Variants in CCNT2 observed in about 807,000 individuals in gnomAD.
CCNT2 encodes cyclin-T2.
CCNT2 carries 18 observed loss-of-function variants against 70.0 expected under a neutral mutation model. That is an observed-to-expected ratio of 0.26 (90% CI 0.18 to 0.38). The LOEUF (loss-of-function observed/expected upper bound fraction) is 0.38, where lower values mean the gene tolerates loss of function less well. Ranked by LOEUF, CCNT2 falls within the 10% of genes least tolerant of loss-of-function variation. CCNT2 has a pLI of 1.00. For synonymous variants in CCNT2, 334 were observed against 313.3 expected (o/e 1.07, Z -0.70); for missense variants, 734 against 890.2 (o/e 0.82, Z 2.23).
At chr2:134,948,907 G>T (rs111713586) in intron 7 of CCNT2, among the ~76,000 whole-genome samples, 32,618 of 151,688 alleles carry the variant, frequency 0.22, 3,966 homozygotes, top group Middle Eastern at 0.57. Flanking sequence ...TAGAGATGGG[G>T]TTTCACCATG....
chr2:134,945,334 G>A, intron 5 of CCNT2: 1 of 985,336 alleles, frequency 1.0e-6, no homozygotes, highest in Non-Finnish European at 1.2e-6. Context: ...TGGGAAAAAG[G>A]GAAACTATAA....
chr2:134,943,669 A>C, intron 5 of CCNT2: 1 of 984,876 alleles, frequency 1.0e-6, no homozygotes, highest in Non-Finnish European at 1.2e-6. Context: ...TTCTACTCCT[A>C]AATGAATCCT....
chr2:134,953,304 C>G lies in CCNT2; in HGVS notation c.849C>G (p.Val283=). 1.2e-6 allele frequency: 2 copies of G among 1,613,324 alleles called. No homozygotes were observed. The highest frequency in any genetic ancestry group is 2.2e-5 in the East Asian group (1 of 44,864). ...CACCACTTCTTGGTTCATCTTTGGT[C>G]CAGAATTCCATTTTAGTAGATAGTG... is the stretch of plus-strand genomic sequence containing the variant. ...SETPLLGSSL[V]QNSILVDSVT... The change falls in exon 9 of 9, where the codon GTC becomes GTG. Residue 283 remains valine, a synonymous_variant. Coordinates refer to ENST00000264157, the MANE Select transcript of CCNT2 (RefSeq NM_058241.3).
chr2:134,945,302 T>C (rs777241399), intron 5 of CCNT2: 20 of 985,202 alleles, frequency 2.0e-5, no homozygotes, highest in East Asian at 2.3e-4. Context: ...GGGAAAGATA[T>C]GTCAGTGCTT....
At chr2:134,949,786 G>A (rs1483754628) in intron 7 of CCNT2, among the ~76,000 whole-genome samples, 2 of 122,940 alleles carry the variant, frequency 1.6e-5, no homozygotes, top group African/African-American at 6.3e-5. Context: ...AGATTAGGTA[G>A]GCAAAATTTT....
chr2:134,950,062 G>T (rs536274398), intron 7 of CCNT2, among the ~76,000 whole-genome samples: 1 of 152,284 alleles, frequency 6.6e-6, no homozygotes, highest in South Asian at 2.1e-4. Flanking sequence ...AAAGTGTTAG[G>T]ATTACAGGCG....
At position 134,953,384 on chromosome 2, in the gene CCNT2, C is replaced by G. The variant is rs747491085; in HGVS notation, c.929C>G (p.Pro310Arg). 8 of 1,601,486 alleles carry G rather than the reference C, an allele frequency of 5.0e-6. No individual in the cohort carries two copies. The highest frequency in any genetic ancestry group is 6.8e-6 in the Non-Finnish European group (8 of 1,173,322). ...SFQKPSTSAF[P>R]APVPLNSGNI... ...CAGAAACCATCTACATCAGCATTCC[C>G]TGCGCCAGTACCTCTAAATTCAGGA... The change falls in exon 9 of 9, where the codon CCT (proline) becomes CGT (arginine). Residue 310 changes from proline (P) to arginine (R), a missense_variant. By Grantham distance (103) the Pro-to-Arg change is moderately radical. Coordinates refer to ENST00000264157, the MANE Select transcript of CCNT2 (RefSeq NM_058241.3).
rs1379100333 is a variant in CCNT2, at chr2:134,956,467, A to G, written c.*1819A>G. The G allele has an allele frequency of 6.6e-6, 1 of 152,406 alleles. No homozygotes were observed. The allele number at this position is 152,406 out of a possible 1,614,324, so 9.4% of individuals were successfully genotyped here. A position where few individuals can be genotyped will look rare whatever the true frequency, so the allele number is the denominator to read the frequency against. ...GTAACTTTGTTGCTCTGTATGGCAT[A>G]ATATTGTATCCATAAACATGGTAAT... On this transcript the variant is annotated 3_prime_UTR_variant, in exon 9 of 9. Coordinates refer to ENST00000264157, the MANE Select transcript of CCNT2 (RefSeq NM_058241.3).
chr2:134,919,983 T>C, intron 2 of CCNT2, 92 bp downstream of exon 2: 1 of 806,158 alleles, frequency 1.2e-6, no homozygotes, highest in South Asian at 1.5e-5. Context: ...TTGGATTTAG[T>C]GTTCTGAATT....
chr2:134,931,981 G>A lies in CCNT2; in HGVS notation c.241-4860G>A, dbSNP rs138910042. ...AAATACTAAGTATACTTTATAAGTT[G>A]GTTTTTTTCATTTTTTCTTTTTTGT... is the stretch of plus-strand genomic sequence containing the variant. On this transcript the variant is annotated intron_variant, in intron 2 of 8. Transcript: ENST00000264157. 2.0e-3 allele frequency among the ~76,000 whole-genome samples: 296 copies of A among 151,756 alleles called. 3 individuals are homozygous for A. The highest frequency in any genetic ancestry group is 7.0e-3 in the African/African-American group (289 of 41,384).
At chr2:134,943,633 T>C (rs1681731396) in intron 5 of CCNT2, 6 of 981,922 alleles carry the variant, frequency 6.1e-6, no homozygotes, top group Non-Finnish European at 7.3e-6. Flanking sequence ...GCTTGTAAAG[T>C]ATCTGGTAGT....
intron 2 of CCNT2, among the ~76,000 whole-genome samples, chr2:134,928,358 C>T (rs1231097477): frequency 3.4e-5 from 5 of 147,446 alleles, no homozygotes; most frequent in Admixed American, 6.9e-5. Context: ...GGCTCACCAC[C>T]GCCTCTGCCT....
At chr2:134,937,024 A>G (rs1681202521) in intron 3 of CCNT2, 55 bp downstream of exon 3, 1 of 1,324,730 alleles carries the variant, frequency 7.5e-7, no homozygotes, top group African/African-American at 1.5e-5. Context: ...CTTTTTCATA[A>G]TGTAGGCCTA....
rs1211285039 is a variant in CCNT2, at chr2:134,946,115, G to T, written c.508G>T (p.Ala170Ser). Residue 170 changes from alanine to serine, a missense_variant, in exon 6 of 9, where the codon GCA becomes TCA. Physicochemically the swap from Ala to Ser is moderately conservative, Grantham distance 99 (BLOSUM62 1). This residue lies in a region of CCNT2 where 161 missense variants were observed against 303.8 expected (regional missense o/e 0.53). Transcript: ENST00000264157. ...TQLVRASKDL[A>S]QTSYFMATNS... is the part of the protein sequence containing the mutation. ...TTTTCTTACAGCAAGCAAGGATTTG[G>T]CACAGACATCCTATTTCATGGCTAC... 1 of 1,611,460 alleles carries T rather than the reference G, an allele frequency of 6.2e-7. No individual in the cohort carries two copies. Among genetic ancestry groups the T allele is most frequent in the Non-Finnish European group, 8.5e-7 (1 of 1,179,612 alleles).
At chr2:134,952,013 G>T (rs985735989) in intron 7 of CCNT2, among the ~76,000 whole-genome samples, 1 of 152,106 alleles carries the variant, frequency 6.6e-6, no homozygotes, top group Non-Finnish European at 1.5e-5. Flanking sequence ...GGGTTTGTCT[G>T]ATGATTTCTC....
rs745669184 is a variant in CCNT2 at position 134,954,629 on chromosome 2, C to T, written c.2174C>T (p.Ala725Val). The change falls in exon 9 of 9, where the codon GCC (alanine) becomes GTC (valine). Residue 725 changes from alanine to valine, a missense_variant. Physicochemically the swap from Ala to Val is moderately conservative, Grantham distance 64. Around this residue, in one of 3 missense-constraint regions of CCNT2, gnomAD observed 532 missense variants for 556.9 expected, o/e 0.96. Coordinates refer to ENST00000264157, the MANE Select transcript of CCNT2 (RefSeq NM_058241.3). The part of the protein sequence containing the change: ...TFDMLDSLLS[A>V]QGMNM Reference sequence around the variant, plus strand: ...GACATGCTGGACTCACTGTTAAGTGCCCAAGGAATGAACATGTAATAATTT... The same window carrying T: ...GACATGCTGGACTCACTGTTAAGTGTCCAAGGAATGAACATGTAATAATTT... The T allele has an allele frequency of 6.2e-6, 10 of 1,601,200 alleles. No homozygotes were observed. The South Asian group carries it at 9.9e-5, about 16-fold the overall frequency.
chr2:134,953,549 C>A lies in CCNT2; in HGVS notation c.1094C>A (p.Ser365Ter). The part of the protein sequence containing the change: ...QDSARTEQLY[S>*]QKQETSLSGS... ...TCAGCAAGGACAGAACAGCTATATT[C>A]ACAGAAACAGGAGACATCTTTGTCT... Residue 365 changes from serine (S) to a stop codon, truncating the protein, a stop_gained, in exon 9 of 9, where the codon TCA becomes TAA. Transcript: ENST00000264157. LOFTEE classifies it high-confidence loss of function. 1 of 1,614,208 alleles carries A rather than the reference C, an allele frequency of 6.2e-7. No homozygotes were observed. The highest frequency in any genetic ancestry group is 1.1e-5 in the South Asian group (1 of 91,082).
intron 1 of CCNT2, 133 bp from the exon 2 acceptor site, chr2:134,919,677 A>T (rs1282309441): frequency 1.1e-5 from 7 of 639,190 alleles, no homozygotes; most frequent in African/African-American, 7.5e-5. Context: ...GCGGGCATTT[A>T]TTTCTTTATT....
In CCNT2 at chr2:134,957,927, A is replaced by G. The variant is rs959251287; in HGVS notation, c.*3279A>G. ...ATAGAATACCTAATTTTTTTGGCCTATCCTCTTTGAACTAGAAATGACTAC... is the reference window on the plus strand; with the variant it reads ...ATAGAATACCTAATTTTTTTGGCCTGTCCTCTTTGAACTAGAAATGACTAC... On this transcript the variant is annotated 3_prime_UTR_variant, in exon 9 of 9. Coordinates refer to ENST00000264157, the MANE Select transcript of CCNT2 (RefSeq NM_058241.3). 4.6e-5 allele frequency: 7 copies of G among 152,154 alleles called. No individual in the cohort carries two copies. Among genetic ancestry groups the G allele is most frequent in the East Asian group, 3.9e-4 (2 of 5,190 alleles). The allele number at this position is 152,154 out of a possible 1,614,324, so 9.4% of individuals were successfully genotyped here.
Sources: allele counts gnomAD v4.1 joint callset (sites outside exome capture counted in the v4.1 genomes callset), GRCh38; gene constraint gnomAD v4.1.1; regional missense constraint gnomAD v4.1.1; transcripts MANE v1.5; gene names NCBI Gene and HGNC (gene_info 2026-07-23, HGNC 2026-07-21).